MACC1: variants seen among roughly 807,000 people sequenced by gnomAD.
MACC1 encodes metastasis-associated in colon cancer protein 1.
MACC1 carries 79 observed loss-of-function variants against 70.7 expected under a neutral mutation model. The ratio of observed to expected loss-of-function variants is 1.12; its 90% CI spans 0.93 to 1.35. The LOEUF (loss-of-function observed/expected upper bound fraction) is 1.35. Ranked by LOEUF, MACC1 falls within the 40% of genes most tolerant of loss-of-function variation. The pLI is 0.00. For missense variants in MACC1, 1,106 were observed against 978.1 expected, an observed-to-expected ratio of 1.13 and a Z score of -1.74; for synonymous variants, 361 against 347.2, an observed-to-expected ratio of 1.04 and a Z score of -0.44.
At chr7:20,185,037 T>G (rs148376262) in intron 1 of MACC1, 1 of 152,292 alleles carries the variant, frequency 6.6e-6, no homozygotes, top group Non-Finnish European at 1.5e-5. Flanking sequence ...CTTTTCCTTT[T>G]TAATCGTGAG....
intron 1 of MACC1, among the ~76,000 whole-genome samples, chr7:20,182,926 C>A (rs1782532433): frequency 6.6e-6 from 1 of 152,168 alleles, no homozygotes; most frequent in African/African-American, 2.4e-5. Flanking sequence ...AATTCTTATT[C>A]TGTAAAGATC....
At chr7:20,192,229 G>A (rs1361727917) in intron 1 of MACC1, among the ~76,000 whole-genome samples, 1 of 151,806 alleles carries the variant, frequency 6.6e-6, no homozygotes, top group Non-Finnish European at 1.5e-5. Flanking sequence ...GGGTATTATT[G>A]AGCAGGTAAA....
intron 6 of MACC1, among the ~76,000 whole-genome samples, chr7:20,149,283 C>A (rs532482126): frequency 1.3e-5 from 2 of 152,080 alleles, no homozygotes; most frequent in African/African-American, 2.4e-5. Context: ...ACTAAAAAAA[C>A]AGTGTATTTT....
At position 20,141,024 on chromosome 7, in the gene MACC1, T is replaced by C; in HGVS notation, c.2481A>G (p.Glu827=). 6.2e-7 allele frequency: 1 copy of C among 1,614,166 alleles called. No individual in the cohort carries two copies. The highest frequency in any genetic ancestry group is 1.3e-5 in the African/African-American group (1 of 75,062). Residue 827 remains glutamate, a synonymous_variant, in exon 7 of 7, where the codon GAA becomes GAG. Transcript: ENST00000400331. ...TTACTAGTATTAAAACTCCAGTTAA[T>C]TCTCTCCAGTGTTTAGTCACAGGGT... ...MKNPVTKHWR[E]LTGVLILVNS...
Position 20,137,749 on chromosome 7 carries a change from A to T in MACC1, c.*3197T>A, listed in dbSNP as rs1201314956. On this transcript the variant is annotated 3_prime_UTR_variant, in exon 7 of 7. Coordinates refer to ENST00000400331, the MANE Select transcript of MACC1 (RefSeq NM_182762.4). The stretch of plus-strand genomic sequence containing the variant: ...ATTACTAATTTAATCTTTTCTGATT[A>T]TGAAAATCCATTATAGCAAGAAAAA... 1 of 152,260 alleles carries T rather than the reference A, an allele frequency of 6.6e-6. No individual in the cohort carries two copies. Among genetic ancestry groups the T allele is most frequent in the Non-Finnish European group, 1.5e-5 (1 of 68,044 alleles). 9.4% of individuals were successfully genotyped at this position (152,260 alleles called of 1,614,324 possible).
intron 6 of MACC1, among the ~76,000 whole-genome samples, chr7:20,148,243 C>T (rs1781923376): frequency 6.6e-6 from 1 of 152,176 alleles, no homozygotes; most frequent in Non-Finnish European, 1.5e-5. Flanking sequence ...GTTTTTGGCA[C>T]ACACCAAGTG....
intron 5 of MACC1, among the ~76,000 whole-genome samples, chr7:20,157,650 C>T (rs1021308401): frequency 2.6e-4 from 38 of 148,778 alleles, no homozygotes; most frequent in African/African-American, 8.7e-4. Flanking sequence ...CCAGGCATGG[C>T]GGCACATGCC....
rs1338788632 is a variant in MACC1, at chr7:20,216,868, T to TGC, written c.-218+430_-218+431insGC. Reference sequence around the variant, plus strand: ...AACATCTTGTCAATGGTCATAAATCTAATAAGCAGTGGGGCTGCTGATTGC... The same window carrying TGC: ...AACATCTTGTCAATGGTCATAAATCTGCAATAAGCAGTGGGGCTGCTGATTGC... On this transcript the variant is annotated intron_variant, in intron 1 of 6. Transcript: ENST00000400331. Among the ~76,000 whole-genome samples the TGC allele has an allele frequency of 9.8e-5, 15 of 152,348 alleles. No individual in the cohort carries two copies. In the East Asian group the frequency reaches 2.9e-3, roughly 29 times the overall value.
chr7:20,141,188 T>A lies in MACC1; in HGVS notation c.2347-30A>T, dbSNP rs1055550412. The stretch of plus-strand genomic sequence containing the variant: ...AAAGAAAAAAAATAGATTGGAGTAG[T>A]GTGGAAGTAGAAAGGAGAGGAAAAT... On this transcript the variant is annotated intron_variant, in intron 6 of 6. Coordinates refer to ENST00000400331, the MANE Select transcript of MACC1 (RefSeq NM_182762.4). 4 of 1,448,270 alleles carry A rather than the reference T, an allele frequency of 2.8e-6. No homozygotes were observed. In the African/African-American group the frequency reaches 5.7e-5, roughly 21 times the overall value. The allele number at this position is 1,448,270 out of a possible 1,614,324, so 89.7% of individuals were successfully genotyped here.
rs1782120135 is a variant in MACC1, at chr7:20,160,089, T to C, written c.272A>G (p.Asn91Ser). 1 of 1,612,250 alleles carries C rather than the reference T, an allele frequency of 6.2e-7. No homozygotes were observed. Among genetic ancestry groups the C allele is most frequent in the South Asian group, 1.1e-5 (1 of 90,502 alleles). Residue 91 changes from asparagine to serine, a missense_variant, in exon 5 of 7, where the codon AAT (asparagine) becomes AGT (serine). Transcript: ENST00000400331. ...ITQLRNNRKR[N>S]NISILKEDPF... ...ATCTTCCTTTAAGATGGAAATATTA[T>C]TTCTCTTCCTGTTATTTCTTAGTTG...
rs1031058230 is a variant in MACC1, at chr7:20,140,173, GAA to G, written c.*771_*772del. The G allele has an allele frequency of 3.9e-5, 6 of 152,132 alleles. No homozygotes were observed. Among genetic ancestry groups the G allele is most frequent in the African/African-American group, 1.4e-4 (6 of 41,432 alleles). 9.4% of individuals were successfully genotyped at this position (152,132 alleles called of 1,614,324 possible). On this transcript the variant is annotated 3_prime_UTR_variant, in exon 7 of 7. Coordinates refer to ENST00000400331, the MANE Select transcript of MACC1 (RefSeq NM_182762.4). ...TTCTGTCAGTCTTTCAAGAGACGAT[GAA>G]AAAGAGTAGCAAGTCTCACTTAAAA...
chr7:20,167,388 G>T lies in MACC1; in HGVS notation c.-152-2989C>A, dbSNP rs191080522. 4.4e-3 allele frequency among the ~76,000 whole-genome samples: 670 copies of T among 151,698 alleles called. 11 individuals are homozygous for T. The East Asian group carries it at 0.065, about 15-fold the overall frequency. On this transcript the variant is annotated intron_variant, in intron 2 of 6. Transcript: ENST00000400331. ...TTTTTTGTATTTTAGTAGAGATGGG[G>T]TTTCACCATGTTGCCCAGGCTGGTC...
intron 1 of MACC1, among the ~76,000 whole-genome samples, chr7:20,204,153 TTTTG>T (rs1459892661): frequency 3.9e-5 from 6 of 152,264 alleles, no homozygotes; most frequent in African/African-American, 1.4e-4. Context: ...GCTCAATTCT[TTTTG>T]TTTGTTTGTT....
At chr7:20,182,646 T>C (rs943324790) in intron 1 of MACC1, among the ~76,000 whole-genome samples, 6 of 152,168 alleles carry the variant, frequency 3.9e-5, no homozygotes, top group Admixed American at 3.9e-4. Flanking sequence ...GTGCGAAGAG[T>C]TGCCTGTCTT....
intron 6 of MACC1, among the ~76,000 whole-genome samples, chr7:20,151,357 C>G (rs1016455362): frequency 8.5e-5 from 13 of 152,122 alleles, no homozygotes; most frequent in Non-Finnish European, 1.6e-4. Context: ...AATTAAAACT[C>G]TAAATATATT....
intron 1 of MACC1, among the ~76,000 whole-genome samples, chr7:20,173,478 A>C (rs544947572): frequency 6.6e-6 from 1 of 152,314 alleles, no homozygotes; most frequent in Non-Finnish European, 1.5e-5. Context: ...TGTCAGGGTC[A>C]ATATCTTTGT....
At chr7:20,202,689 C>T (rs1299363615) in intron 1 of MACC1, among the ~76,000 whole-genome samples, 2 of 152,162 alleles carry the variant, frequency 1.3e-5, no homozygotes, top group African/African-American at 2.4e-5. Context: ...TAGATAATAG[C>T]TACATTCATG....
At chr7:20,215,010 G>T (rs1783048267) in intron 1 of MACC1, among the ~76,000 whole-genome samples, 1 of 152,026 alleles carries the variant, frequency 6.6e-6, no homozygotes, top group Non-Finnish European at 1.5e-5. Context: ...GGCAGCCTGG[G>T]TACGCGTCTC....
intron 1 of MACC1, among the ~76,000 whole-genome samples, chr7:20,175,451 A>G (rs1313803434): frequency 6.6e-6 from 1 of 152,142 alleles, no homozygotes; most frequent in East Asian, 1.9e-4. Context: ...ATCAAGCAAT[A>G]GAACATAAAA....
Sources: gnomAD v4.1 joint callset for allele counts (sites outside exome capture counted in the v4.1 genomes callset) on GRCh38, gnomAD v4.1.1 for gene constraint, MANE v1.5 for transcripts, NCBI Gene and HGNC (gene_info 2026-07-23, HGNC 2026-07-21) for gene names.